ADAMTSL1: variants seen among roughly 807,000 people sequenced by gnomAD.
ADAMTSL1 encodes the protein ADAMTS like 1, also known as ADAMTS-like protein 1.
ADAMTSL1 carries 126 observed loss-of-function variants against 201.8 expected under a neutral mutation model. That is an observed-to-expected ratio of 0.62 (90% CI 0.54 to 0.72). The LOEUF is 0.72. Among genes scored for constraint, ADAMTSL1 ranks in the 30% least tolerant of loss-of-function variants. The pLI, the probability that ADAMTSL1 is intolerant of heterozygous loss-of-function variation, is 0.00. For missense variants in ADAMTSL1, 2,679 were observed against 2,277.8 expected, an observed-to-expected ratio of 1.18 and a Z score of -3.59; for synonymous variants, 1,121 against 903.4, an observed-to-expected ratio of 1.24 and a Z score of -4.32.
At position 18,229,121 on chromosome 9, in the gene ADAMTSL1, T is replaced by G. The variant is rs573737806; in HGVS notation, c.207+65140T>G. ...ACAGCATATGCAAAAAAGAAAGTAT[T>G]TTTGCTGCCAAAAATTAGTCCCAGT... On this transcript the variant is annotated intron_variant, in intron 2 of 29. Transcript: ENST00000680146. Among the ~76,000 whole-genome samples, 5 of 152,188 alleles carry G rather than the reference T, an allele frequency of 3.3e-5. No homozygotes were observed. In the East Asian group the frequency reaches 9.7e-4, roughly 29 times the overall value.
intron 14 of ADAMTSL1, among the ~76,000 whole-genome samples, chr9:18,715,359 C>G (rs1027692169): frequency 6.6e-6 from 1 of 151,810 alleles, no homozygotes; most frequent in African/African-American, 2.4e-5. Flanking sequence ...AGCCCAAAAT[C>G]TCCTTAAGCT....
chr9:18,643,485 GC>G (rs747051729), intron 7 of ADAMTSL1, among the ~76,000 whole-genome samples: 2 of 151,638 alleles, frequency 1.3e-5, no homozygotes, highest in Non-Finnish European at 2.9e-5. Flanking sequence ...TCAAAAAATT[GC>G]CCAGACCAAT....
Position 18,099,355 on chromosome 9 carries a change from ATTTTTTTT to A in ADAMTSL1, c.88-64497_88-64490del, listed in dbSNP as rs397893715. ...TATATATATATATATATATATATAT[ATTTTTTTT>A]TTTTTTTTTAACATCCATTAATTTT... On this transcript the variant is annotated intron_variant, in intron 1 of 29. Transcript: ENST00000680146. Among the ~76,000 whole-genome samples, 187 of 45,486 alleles carry A rather than the reference ATTTTTTTT, an allele frequency of 4.1e-3. 7 individuals are homozygous for A. The highest frequency in any genetic ancestry group is 7.2e-3 in the African/African-American group (89 of 12,324). 29.8% of individuals were successfully genotyped at this position (45,486 alleles called of 152,430 possible). A position where few individuals can be genotyped will look rare whatever the true frequency, so the allele number is the denominator to read the frequency against.
intron 1 of ADAMTSL1, among the ~76,000 whole-genome samples, chr9:18,013,915 G>A (rs113533931): frequency 3.1e-3 from 472 of 151,894 alleles, no homozygotes; most frequent in African/African-American, 0.01. Context: ...AGGTTTGAAA[G>A]GTCGCTTTTC....
At chr9:18,030,711 A>G (rs1428712732) in intron 1 of ADAMTSL1, among the ~76,000 whole-genome samples, 1 of 152,150 alleles carries the variant, frequency 6.6e-6, no homozygotes, top group Non-Finnish European at 1.5e-5. Context: ...TGACCTCTCT[A>G]GTAAAATTGG....
intron 23 of ADAMTSL1, among the ~76,000 whole-genome samples, chr9:18,849,841 A>C (rs1054474574): frequency 6.6e-6 from 1 of 152,254 alleles, no homozygotes; most frequent in Admixed American, 6.5e-5. Context: ...TCCTGTTTAT[A>C]TACTTTTGTA....
At chr9:18,029,952 C>G (rs1820873047) in intron 1 of ADAMTSL1, among the ~76,000 whole-genome samples, 4 of 151,324 alleles carry the variant, frequency 2.6e-5, no homozygotes, top group African/African-American at 9.7e-5. Context: ...GTTGGTGGGA[C>G]TGTAAACTAG....
At chr9:18,342,947 C>G (rs1479507283) in intron 2 of ADAMTSL1, among the ~76,000 whole-genome samples, 1 of 152,088 alleles carries the variant, frequency 6.6e-6, no homozygotes, top group Non-Finnish European at 1.5e-5. Context: ...TGACAAGATA[C>G]ACTTCAGTTT....
intron 2 of ADAMTSL1, among the ~76,000 whole-genome samples, chr9:18,362,430 A>G (rs961919546): frequency 6.6e-6 from 1 of 152,244 alleles, no homozygotes; most frequent in Non-Finnish European, 1.5e-5. Flanking sequence ...CTTACTTTCC[A>G]TGGTCCATTC....
intron 2 of ADAMTSL1, among the ~76,000 whole-genome samples, chr9:18,354,623 G>A (rs1563907922): frequency 6.6e-6 from 1 of 152,122 alleles, no homozygotes; most frequent in Non-Finnish European, 1.5e-5. Flanking sequence ...GCAACACAGT[G>A]GTTAAAGGTG....
At chr9:18,552,842 C>T (rs1820868596) in intron 3 of ADAMTSL1, among the ~76,000 whole-genome samples, 1 of 151,596 alleles carries the variant, frequency 6.6e-6, no homozygotes, top group South Asian at 2.1e-4. Flanking sequence ...ATTCACCTTT[C>T]ATTTGATTAG....
At chr9:18,341,937 T>C (rs1161286970) in intron 2 of ADAMTSL1, among the ~76,000 whole-genome samples, 1 of 152,168 alleles carries the variant, frequency 6.6e-6, no homozygotes, top group Non-Finnish European at 1.5e-5. Flanking sequence ...AATGTATGCT[T>C]GGTTGATGTC....
intron 2 of ADAMTSL1, among the ~76,000 whole-genome samples, chr9:18,405,361 G>T (rs1211514349): frequency 6.6e-6 from 1 of 152,148 alleles, no homozygotes; most frequent in Non-Finnish European, 1.5e-5. Context: ...CCATGAGGTT[G>T]GTGAGAGGAT....
chr9:18,211,167 A>G (rs1181975179), intron 2 of ADAMTSL1, among the ~76,000 whole-genome samples: 1 of 152,146 alleles, frequency 6.6e-6, no homozygotes, highest in Non-Finnish European at 1.5e-5. Context: ...CCCAAAAGCA[A>G]TACACAGTCG....
intron 21 of ADAMTSL1, among the ~76,000 whole-genome samples, chr9:18,818,393 A>C (rs551407853): frequency 6.6e-6 from 1 of 152,314 alleles, no homozygotes; most frequent in South Asian, 2.1e-4. Flanking sequence ...TAAGACATGA[A>C]AACCCATTTT....
intron 2 of ADAMTSL1, among the ~76,000 whole-genome samples, chr9:18,216,290 C>G (rs1830052466): frequency 6.6e-6 from 1 of 152,168 alleles, no homozygotes; most frequent in African/African-American, 2.4e-5. Context: ...TGCCTTTAAT[C>G]TGAGATTGGA....
At chr9:18,845,848 A>G (rs1826072729) in intron 23 of ADAMTSL1, among the ~76,000 whole-genome samples, 1 of 152,240 alleles carries the variant, frequency 6.6e-6, no homozygotes, top group South Asian at 2.1e-4. Flanking sequence ...TACAGGACCC[A>G]GGCCTGGAGT....
At chr9:18,271,469 T>C (rs947345426) in intron 2 of ADAMTSL1, among the ~76,000 whole-genome samples, 15 of 152,178 alleles carry the variant, frequency 9.9e-5, no homozygotes, top group African/African-American at 3.6e-4. Flanking sequence ...AATGATGGTT[T>C]CCAGCTTCAT....
chr9:17,952,440 A>G (rs774169160), intron 1 of ADAMTSL1, among the ~76,000 whole-genome samples: 1 of 152,010 alleles, frequency 6.6e-6, no homozygotes, highest in South Asian at 2.1e-4. Context: ...TTATTCCAAG[A>G]CAGTTTACTA....
Sources: gnomAD v4.1 joint callset for allele counts (sites outside exome capture counted in the v4.1 genomes callset) on GRCh38, gnomAD v4.1.1 for gene constraint, MANE v1.5 for transcripts, NCBI Gene and HGNC (gene_info 2026-07-23, HGNC 2026-07-21) for gene names.